Variants in GRIN1 observed in about 807,000 individuals in gnomAD.
The protein encoded by GRIN1 is glutamate receptor ionotropic, NMDA 1.
Under a neutral mutation model 103.0 loss-of-function variants are expected in GRIN1, and 38 were observed. That is an observed-to-expected ratio of 0.37 (90% CI 0.28 to 0.48). The LOEUF is 0.48. Among genes scored for constraint, GRIN1 ranks in the 20% least tolerant of loss-of-function variants. The pLI is 0.98. For synonymous variants in GRIN1, 544 were observed against 532.7 expected (o/e 1.02, Z -0.29); for missense variants, 577 against 1,288.9 (o/e 0.45, Z 8.46).
intron 18 of GRIN1, chr9:137,164,315 T>C: frequency 3.2e-6 from 1 of 314,108 alleles, no homozygotes. Context: ...CCCCCCCCTT[T>C]CCTGCTATGT....
intron 18 of GRIN1, 171 bp downstream of exon 18, chr9:137,164,075 T>TG: frequency 1.2e-6 from 1 of 808,336 alleles, no homozygotes. Flanking sequence ...GCAGCACCGG[T>TG]GGGGGGCTGC....
chr9:137,148,669 G>A (rs1041693207), intron 3 of GRIN1, among the ~76,000 whole-genome samples: 5 of 152,174 alleles, frequency 3.3e-5, no homozygotes, highest in East Asian at 1.9e-4. Context: ...TCTGTTTCCC[G>A]TCCGCTGCAC....
intron 8 of GRIN1, among the ~76,000 whole-genome samples, chr9:137,159,037 C>T (rs1564359919): frequency 6.6e-6 from 1 of 152,192 alleles, no homozygotes; most frequent in Non-Finnish European, 1.5e-5. Flanking sequence ...AGCTTCAGCA[C>T]TCGCTGTCCC....
chr9:137,155,761 G>C (rs527431261), intron 4 of GRIN1, among the ~76,000 whole-genome samples: 1 of 152,330 alleles, frequency 6.6e-6, no homozygotes, highest in South Asian at 2.1e-4. Context: ...AGAGGACCAG[G>C]TCCCCTGCTC....
intron 6 of GRIN1, 89 bp downstream of exon 6, chr9:137,157,126 A>C: frequency 7.6e-6 from 1 of 131,274 alleles, no homozygotes; most frequent in African/African-American, 1.0e-4. Context: ...GCTCTTGGGG[A>C]GGTGGGCGGG....
rs1348875871 is a variant in GRIN1 at position 137,162,941 on chromosome 9, C to T, written c.2109C>T (p.Tyr703=). 6.2e-7 allele frequency: 1 copy of T among 1,609,764 alleles called. No homozygotes were observed. The highest frequency in any genetic ancestry group is 8.5e-7 in the Non-Finnish European group (1 of 1,178,742). The change falls in exon 15 of 20, where the codon TAC becomes TAT. Residue 703 remains tyrosine (Y), a synonymous_variant. Transcript: ENST00000371561. ...GCCAGGTGGAGCTGAGCACCATGTA[C>T]CGGCATATGGAGAAGCACAACTACG... is the stretch of plus-strand genomic sequence containing the variant. The part of the protein sequence containing the change: ...FRRQVELSTM[Y]RHMEKHNYES...
chr9:137,142,902 G>A lies in GRIN1; in HGVS notation c.393+755G>A, dbSNP rs114224953. ...CCTCCTGGCCCACAGGCTATGAGGA[G>A]GGCTTCTGTCCAATCCTGGAACATC... is the stretch of plus-strand genomic sequence containing the variant. On this transcript the variant is annotated intron_variant, in intron 2 of 19. Coordinates refer to ENST00000371561, the MANE Select transcript of GRIN1 (RefSeq NM_007327.4). Among the ~76,000 whole-genome samples the A allele has an allele frequency of 4.1e-3, 617 of 152,342 alleles. 4 individuals are homozygous for A. The highest frequency in any genetic ancestry group is 0.014 in the African/African-American group (590 of 41,594).
chr9:137,153,226 C>T (rs1466576478), intron 4 of GRIN1, among the ~76,000 whole-genome samples: 1 of 151,646 alleles, frequency 6.6e-6, no homozygotes, highest in Non-Finnish European at 1.5e-5. Flanking sequence ...CATGTGCACA[C>T]ATGCCACATA....
chr9:137,161,611 T>TGGGGCCCGACATGGGA (rs1833547260), intron 10 of GRIN1, among the ~76,000 whole-genome samples, 195 bp downstream of exon 10: 2 of 27,820 alleles, frequency 7.2e-5, no homozygotes, highest in Admixed American at 1.0e-3. Context: ...GAGGGCTGGG[T>TGGGGCCCGACATGGGA]GGGGCCTGAC....
At position 137,151,697 on chromosome 9, in the gene GRIN1, G is replaced by C. The variant is rs566797184; in HGVS notation, c.671+2588G>C. Reference sequence around the variant, plus strand: ...TTTCGTTGTTTTGAGAGGGAGTCTTGCTTTGTCACCCAGGCTGGAGTGCAG... The same window carrying C: ...TTTCGTTGTTTTGAGAGGGAGTCTTCCTTTGTCACCCAGGCTGGAGTGCAG... On this transcript the variant is annotated intron_variant, in intron 4 of 19. Transcript: ENST00000371561. 3.2e-4 allele frequency among the ~76,000 whole-genome samples: 49 copies of C among 152,260 alleles called. 2 individuals are homozygous for C. The South Asian group carries it at 3.3e-3, about 10-fold the overall frequency.
chr9:137,160,668 G>A (rs1833483671), intron 8 of GRIN1, among the ~76,000 whole-genome samples: 1 of 152,208 alleles, frequency 6.6e-6, no homozygotes, highest in South Asian at 2.1e-4. Context: ...CTGACCTCGT[G>A]ATCCGGCCGC....
chr9:137,161,496 C>G, intron 10 of GRIN1, 80 bp downstream of exon 10: 3 of 565,836 alleles, frequency 5.3e-6, no homozygotes, highest in Non-Finnish European at 7.4e-6. Flanking sequence ...ATGGAGTAGG[C>G]GGGGCTTGCA....
intron 8 of GRIN1, among the ~76,000 whole-genome samples, chr9:137,160,580 C>T (rs1833478049): frequency 6.6e-6 from 1 of 152,194 alleles, no homozygotes; most frequent in East Asian, 1.9e-4. Context: ...CAGGTGCCCA[C>T]CACCACGCCC....
chr9:137,161,898 T>G (rs1833572643), intron 10 of GRIN1, 26 bp from the exon 11 acceptor site: 1 of 1,548,860 alleles, frequency 6.5e-7, no homozygotes, highest in Non-Finnish European at 8.7e-7. Context: ...GCTGCCTGCA[T>G]GCCCGCCGGC....
In GRIN1 at chr9:137,167,966, G is replaced by A; in HGVS notation, c.*439G>A. On this transcript the variant is annotated 3_prime_UTR_variant, in exon 20 of 20. Coordinates refer to ENST00000371561, the MANE Select transcript of GRIN1 (RefSeq NM_007327.4). The stretch of plus-strand genomic sequence containing the variant: ...ACTGCCCACCCTGGGCCTCCCGTCC[G>A]TCCGCCCGCCCACCCCGCTGCCTGG... The A allele has an allele frequency of 2.3e-6, 2 of 861,462 alleles. No homozygotes were observed. The highest frequency in any genetic ancestry group is 3.7e-6 in the Non-Finnish European group (2 of 534,492). The allele number at this position is 861,462 out of a possible 1,614,324, so 53.4% of individuals were successfully genotyped here.
chr9:137,155,877 C>A (rs1275984223), intron 4 of GRIN1, among the ~76,000 whole-genome samples: 1 of 152,250 alleles, frequency 6.6e-6, no homozygotes, highest in Non-Finnish European at 1.5e-5. Context: ...GGCCCCAGGC[C>A]TGGGTGGCTG....
In GRIN1 at chr9:137,162,046, C is replaced by T. The variant is rs1833580556; in HGVS notation, c.1590C>T (p.Ser530=). 1 of 1,551,184 alleles carries T rather than the reference C, an allele frequency of 6.4e-7. No individual in the cohort carries two copies. Among genetic ancestry groups the T allele is most frequent in the Non-Finnish European group, 8.7e-7 (1 of 1,147,612 alleles). The stretch of plus-strand genomic sequence containing the variant: ...AGCGCGCGCAGTACATCGAGTTTTC[C>T]AAGCCCTTCAAGTACCAGGGCCTGA... ...NNERAQYIEF[S]KPFKYQGLTI... Residue 530 remains serine (S), a synonymous_variant, in exon 11 of 20, where the codon TCC becomes TCT. Transcript: ENST00000371561.
rs772098860 is a variant in GRIN1, at chr9:137,156,662, C to T, written c.672-7C>T. Reference sequence around the variant, plus strand: ...GTCCTGGCCCGTCATCCCCGTCTGCCCCACAGCGAGGACGATGCTGCCACT... The same window carrying T: ...GTCCTGGCCCGTCATCCCCGTCTGCTCCACAGCGAGGACGATGCTGCCACT... On this transcript the variant is annotated splice_region_variant and splice_polypyrimidine_tract_variant and intron_variant, in intron 4 of 19. Coordinates refer to ENST00000371561, the MANE Select transcript of GRIN1 (RefSeq NM_007327.4). The T allele has an allele frequency of 5.0e-6, 8 of 1,600,464 alleles. No homozygotes were observed. The South Asian group carries it at 5.6e-5, about 11-fold the overall frequency.
chr9:137,142,762 A>T (rs993365425), intron 2 of GRIN1, among the ~76,000 whole-genome samples: 5 of 152,112 alleles, frequency 3.3e-5, no homozygotes, highest in African/African-American at 1.2e-4. Flanking sequence ...AGCCTTTCCC[A>T]CTGCAGGCAT....
Sources: allele counts gnomAD v4.1 joint callset (sites outside exome capture counted in the v4.1 genomes callset), GRCh38; gene constraint gnomAD v4.1.1; transcripts MANE v1.5; gene names NCBI Gene and HGNC (gene_info 2026-07-23, HGNC 2026-07-21).